SYT1: variants seen among roughly 807,000 people sequenced by gnomAD.
The protein encoded by SYT1 is synaptotagmin-1.
Under a neutral mutation model 44.8 loss-of-function variants are expected in SYT1, and 8 were observed. The observed-to-expected ratio is 0.18, with a 90% CI of 0.10 to 0.32. SYT1 has a LOEUF of 0.32. Among genes scored for constraint, SYT1 ranks in the 10% least tolerant of loss-of-function variants. The pLI, the probability that SYT1 is intolerant of heterozygous loss-of-function variation, is 1.00. For missense variants in SYT1, 286 were observed against 509.3 expected, an observed-to-expected ratio of 0.56 and a Z score of 4.22; for synonymous variants, 154 against 188.8, an observed-to-expected ratio of 0.82 and a Z score of 1.51.
intron 4 of SYT1, among the ~76,000 whole-genome samples, chr12:79,245,869 G>A (rs1359543537): frequency 1.3e-5 from 2 of 151,778 alleles, no homozygotes; most frequent in South Asian, 4.2e-4. Flanking sequence ...ATATATAACA[G>A]TAGACTAACA....
At chr12:79,012,205 A>T (rs1391705559) in intron 2 of SYT1, among the ~76,000 whole-genome samples, 1 of 151,950 alleles carries the variant, frequency 6.6e-6, no homozygotes, top group Non-Finnish European at 1.5e-5. Flanking sequence ...TGTACCTGAG[A>T]ACCTGGAATT....
intron 3 of SYT1, among the ~76,000 whole-genome samples, chr12:79,197,414 G>A (rs982366735): frequency 1.3e-5 from 2 of 152,136 alleles, no homozygotes; most frequent in Non-Finnish European, 2.9e-5. Flanking sequence ...AGAGTGATGG[G>A]CTAGCTCTAA....
chr12:79,000,024 CA>C (rs936428218), intron 2 of SYT1, among the ~76,000 whole-genome samples: 193 of 152,110 alleles, frequency 1.3e-3, no homozygotes, highest in African/African-American at 4.5e-3. Flanking sequence ...CAAACATTAC[CA>C]ATATTAGATC....
intron 1 of SYT1, among the ~76,000 whole-genome samples, chr12:78,934,121 T>G (rs1877911920): frequency 6.6e-6 from 1 of 151,548 alleles, no homozygotes; most frequent in South Asian, 2.1e-4. Context: ...TATATACATA[T>G]GTGTGTGTAT....
At chr12:79,262,530 C>T (rs1411197720) in intron 4 of SYT1, among the ~76,000 whole-genome samples, 3 of 152,150 alleles carry the variant, frequency 2.0e-5, no homozygotes, top group African/African-American at 7.2e-5. Flanking sequence ...CATCTTCAAG[C>T]TCATCTTAAT....
chr12:79,018,140 T>C (rs1269375839), intron 2 of SYT1, among the ~76,000 whole-genome samples: 2 of 151,698 alleles, frequency 1.3e-5, no homozygotes, highest in Non-Finnish European at 2.9e-5. Flanking sequence ...GTGGCACATA[T>C]ACACCATGGA....
chr12:79,104,032 A>T (rs1296115359), intron 3 of SYT1, among the ~76,000 whole-genome samples: 2 of 152,114 alleles, frequency 1.3e-5, no homozygotes, highest in Non-Finnish European at 2.9e-5. Context: ...CTGCACAGGG[A>T]TTGTTTTACA....
intron 9 of SYT1, among the ~76,000 whole-genome samples, chr12:79,437,002 T>A (rs7295243): frequency 0.011 from 1,632 of 152,250 alleles, 40 homozygotes; most frequent in African/African-American, 0.038. Context: ...AGGGAAGTGG[T>A]GACTTTTAAA....
intron 4 of SYT1, among the ~76,000 whole-genome samples, chr12:79,247,922 ATT>A (rs1418488403): frequency 6.6e-6 from 1 of 152,238 alleles, no homozygotes; most frequent in Non-Finnish European, 1.5e-5. Flanking sequence ...TGCTGAAAAT[ATT>A]TCTCTTAAGA....
At chr12:79,054,819 G>A (rs530478029) in intron 3 of SYT1, among the ~76,000 whole-genome samples, 69 of 151,922 alleles carry the variant, frequency 4.5e-4, no homozygotes, top group African/African-American at 1.4e-3. Context: ...CAAGCTACTC[G>A]TCTGTTTAAC....
chr12:78,981,776 G>A (rs1869281874), intron 2 of SYT1, among the ~76,000 whole-genome samples: 1 of 152,156 alleles, frequency 6.6e-6, no homozygotes, highest in East Asian at 1.9e-4. Flanking sequence ...CTACTATGTA[G>A]TCAGCACTAT....
chr12:79,004,462 GT>G (rs927304170), intron 2 of SYT1, among the ~76,000 whole-genome samples: 12 of 151,832 alleles, frequency 7.9e-5, no homozygotes, highest in Non-Finnish European at 1.8e-4. Flanking sequence ...AGTTGCATAA[GT>G]AATTGTATAA....
chr12:79,329,920 C>T (rs1881781335), intron 8 of SYT1, among the ~76,000 whole-genome samples: 1 of 152,116 alleles, frequency 6.6e-6, no homozygotes, highest in African/African-American at 2.4e-5. Context: ...TAAAATAATC[C>T]CTTTCTTGCA....
chr12:78,884,044 T>C (rs1331528626), intron 1 of SYT1, among the ~76,000 whole-genome samples: 1 of 151,516 alleles, frequency 6.6e-6, no homozygotes, highest in East Asian at 1.9e-4. Flanking sequence ...TAATAATATA[T>C]AAATGGAAAA....
At chr12:79,098,351 A>C (rs190126266) in intron 3 of SYT1, among the ~76,000 whole-genome samples, 23 of 152,156 alleles carry the variant, frequency 1.5e-4, no homozygotes, top group Admixed American at 6.6e-4. Flanking sequence ...CTACTAACAA[A>C]ATTTTTTGTA....
At chr12:79,189,427 T>C (rs992508846) in intron 3 of SYT1, among the ~76,000 whole-genome samples, 4 of 152,228 alleles carry the variant, frequency 2.6e-5, no homozygotes, top group East Asian at 1.9e-4. Context: ...CAAGTCATTA[T>C]AGCTATGTAA....
At chr12:78,872,757 G>T (rs1226534240) in intron 1 of SYT1, among the ~76,000 whole-genome samples, 1 of 151,746 alleles carries the variant, frequency 6.6e-6, no homozygotes, top group Non-Finnish European at 1.5e-5. Context: ...CAACAACTAA[G>T]AAATGTAATT....
chr12:79,119,467 C>G (rs1393648168), intron 3 of SYT1, among the ~76,000 whole-genome samples: 2 of 151,160 alleles, frequency 1.3e-5, no homozygotes, highest in African/African-American at 4.9e-5. Flanking sequence ...TACATATTTT[C>G]TCACATAAGG....
chr12:79,210,168 A>T (rs1282259001), intron 3 of SYT1, among the ~76,000 whole-genome samples: 1 of 152,190 alleles, frequency 6.6e-6, no homozygotes, highest in African/African-American at 2.4e-5. Flanking sequence ...TTCTAAGAGG[A>T]CAGAGGGAAG....
Sources: allele counts gnomAD v4.1 joint callset (sites outside exome capture counted in the v4.1 genomes callset), GRCh38; gene constraint gnomAD v4.1.1; transcripts MANE v1.5; gene names NCBI Gene and HGNC (gene_info 2026-07-23, HGNC 2026-07-21).